Variants in LHFPL6 observed in about 807,000 individuals in gnomAD.
The protein encoded by LHFPL6 is LHFPL tetraspan subfamily member 6 protein.
A neutral mutation model predicts 20.6 loss-of-function variants in LHFPL6; 9 were observed. The ratio of observed to expected loss-of-function variants is 0.44; its 90% CI spans 0.26 to 0.76. The LOEUF is 0.76. LHFPL6 is among the 30% of genes least tolerant of loss of function. LHFPL6 has a pLI of 0.20. For missense variants in LHFPL6, 218 were observed against 253.5 expected, an observed-to-expected ratio of 0.86 and a Z score of 0.95; for synonymous variants, 105 against 98.7, an observed-to-expected ratio of 1.06 and a Z score of -0.38.
chr13:39,531,862 G>T (rs1222979613), intron 2 of LHFPL6, among the ~76,000 whole-genome samples: 1 of 152,098 alleles, frequency 6.6e-6, no homozygotes, highest in Non-Finnish European at 1.5e-5. Flanking sequence ...GGGGGAAAAG[G>T]TCACGTGATA....
At chr13:39,459,754 G>A (rs1440054546) in intron 2 of LHFPL6, among the ~76,000 whole-genome samples, 1 of 152,134 alleles carries the variant, frequency 6.6e-6, no homozygotes, top group Admixed American at 6.5e-5. Flanking sequence ...CCGCAAAGTT[G>A]AAGCTATAAA....
rs529530937 is a variant in LHFPL6, at chr13:39,474,262, G to A, written c.386-95736C>T. Among the ~76,000 whole-genome samples, 5 of 152,334 alleles carry A rather than the reference G, an allele frequency of 3.3e-5. No homozygotes were observed. The South Asian group carries it at 1.0e-3, about 32-fold the overall frequency. On this transcript the variant is annotated intron_variant, in intron 2 of 3. Transcript: ENST00000379589. Reference sequence around the variant, plus strand: ...AAAAGGAACAAATTGTCTACTTGTTGTAATAATACAGCTTTCCTATTTTAT... The same window carrying A: ...AAAAGGAACAAATTGTCTACTTGTTATAATAATACAGCTTTCCTATTTTAT...
intron 2 of LHFPL6, among the ~76,000 whole-genome samples, chr13:39,592,490 A>C (rs1872638741): frequency 6.6e-6 from 1 of 152,188 alleles, no homozygotes; most frequent in Non-Finnish European, 1.5e-5. Context: ...ATAGCTTACC[A>C]ACCAAAAAAA....
intron 3 of LHFPL6, among the ~76,000 whole-genome samples, chr13:39,360,751 G>C (rs111843446): frequency 0.13 from 10,104 of 79,260 alleles, 3,548 homozygotes; most frequent in Non-Finnish European, 0.15. Flanking sequence ...CAGATTGTAA[G>C]GGGACAAAAA....
intron 2 of LHFPL6, among the ~76,000 whole-genome samples, chr13:39,563,821 G>C (rs1025919778): frequency 1.2e-4 from 19 of 152,094 alleles, no homozygotes; most frequent in African/African-American, 4.1e-4. Context: ...AGCTAACTCA[G>C]GGGACTGAAA....
intron 2 of LHFPL6, among the ~76,000 whole-genome samples, chr13:39,562,405 TAC>T (rs374340834): frequency 0.015 from 940 of 61,986 alleles, 58 homozygotes; most frequent in South Asian, 0.024. Context: ...TATACATATA[TAC>T]ACATATACAC....
intron 2 of LHFPL6, among the ~76,000 whole-genome samples, chr13:39,491,377 G>C (rs528306259): frequency 4.3e-4 from 65 of 152,278 alleles, no homozygotes; most frequent in Non-Finnish European, 8.2e-4. Context: ...CAAAGATGGG[G>C]AATGGTTGCA....
intron 2 of LHFPL6, among the ~76,000 whole-genome samples, chr13:39,562,483 T>TACAC (rs1871540103): frequency 8.2e-6 from 1 of 122,556 alleles, no homozygotes; most frequent in South Asian, 2.8e-4. Context: ...CACATATACA[T>TACAC]ATATACACAT....
intron 2 of LHFPL6, among the ~76,000 whole-genome samples, chr13:39,524,159 C>T (rs1870211075): frequency 6.6e-6 from 1 of 152,094 alleles, no homozygotes. Flanking sequence ...ATAGGAATGC[C>T]ACTGCGCTCA....
At chr13:39,362,494 A>G (rs1276644952) in intron 3 of LHFPL6, among the ~76,000 whole-genome samples, 1 of 152,260 alleles carries the variant, frequency 6.6e-6, no homozygotes, top group Non-Finnish European at 1.5e-5. Context: ...GGGTGTATGT[A>G]TATGTATAAG....
chr13:39,381,954 T>C (rs1042755360), intron 2 of LHFPL6, among the ~76,000 whole-genome samples: 3 of 152,096 alleles, frequency 2.0e-5, no homozygotes, highest in African/African-American at 7.2e-5. Context: ...AGCATATGCG[T>C]TGTTGAAGTA....
chr13:39,580,502 A>G (rs1009223663), intron 2 of LHFPL6, among the ~76,000 whole-genome samples: 4 of 152,234 alleles, frequency 2.6e-5, no homozygotes, highest in Non-Finnish European at 4.4e-5. Context: ...AGATGAAAAT[A>G]GAACCAAAGT....
intron 2 of LHFPL6, among the ~76,000 whole-genome samples, chr13:39,516,471 A>G (rs530908704): frequency 3.3e-5 from 5 of 152,366 alleles, no homozygotes; most frequent in East Asian, 1.9e-4. Context: ...ATTGATCTCT[A>G]TATGTTTCTC....
chr13:39,558,552 G>T (rs1871377179), intron 2 of LHFPL6, among the ~76,000 whole-genome samples: 1 of 152,072 alleles, frequency 6.6e-6, no homozygotes, highest in African/African-American at 2.4e-5. Context: ...TTGCTTCAAA[G>T]TCACTTACTT....
intron 2 of LHFPL6, among the ~76,000 whole-genome samples, chr13:39,488,746 G>A (rs937234030): frequency 2.6e-5 from 4 of 152,130 alleles, no homozygotes; most frequent in East Asian, 1.9e-4. Flanking sequence ...AAAGTACATC[G>A]CTCTTCAGTT....
At chr13:39,576,048 T>C (rs2138534931) in intron 2 of LHFPL6, among the ~76,000 whole-genome samples, 1 of 152,330 alleles carries the variant, frequency 6.6e-6, no homozygotes, top group East Asian at 1.9e-4. Context: ...AAACGAAACC[T>C]ACCCCAGGGG....
chr13:39,495,228 T>A (rs1470251068), intron 2 of LHFPL6, among the ~76,000 whole-genome samples: 1 of 152,206 alleles, frequency 6.6e-6, no homozygotes, highest in South Asian at 2.1e-4. Flanking sequence ...TTTATTAACA[T>A]GAAAATATGC....
intron 2 of LHFPL6, among the ~76,000 whole-genome samples, chr13:39,430,389 C>T (rs1363248989): frequency 6.6e-6 from 1 of 152,200 alleles, no homozygotes; most frequent in Non-Finnish European, 1.5e-5. Context: ...GGTGGAAGGA[C>T]TTACTTCTGA....
chr13:39,505,279 G>A lies in LHFPL6; in HGVS notation c.385+95553C>T, dbSNP rs898163539. Among the ~76,000 whole-genome samples the A allele has an allele frequency of 2.0e-5, 3 of 152,142 alleles. No individual in the cohort carries two copies. In the East Asian group the frequency reaches 5.8e-4, roughly 29 times the overall value. On this transcript the variant is annotated intron_variant, in intron 2 of 3. Coordinates refer to ENST00000379589, the MANE Select transcript of LHFPL6 (RefSeq NM_005780.3). ...TGCTATTTCCACATTCTAGAGAGCG[G>A]AATCGGAGTAGAAGACAGTTGTCAG...
Sources: allele counts gnomAD v4.1 joint callset (sites outside exome capture counted in the v4.1 genomes callset), GRCh38; gene constraint gnomAD v4.1.1; transcripts MANE v1.5; gene names NCBI Gene and HGNC (gene_info 2026-07-23, HGNC 2026-07-21).